Variants in FAM217B observed in about 807,000 individuals in gnomAD.
The protein encoded by FAM217B is protein FAM217B.
For missense variants in FAM217B, 463 were observed against 456.9 expected, an observed-to-expected ratio of 1.01 and a Z score of -0.12; for synonymous variants, 163 against 173.0, an observed-to-expected ratio of 0.94 and a Z score of 0.45.
At chr20:59,943,770 TTC>T (rs1380078539) in intron 3 of FAM217B, among the ~76,000 whole-genome samples, 168 bp from the exon 4 acceptor site, 1 of 152,196 alleles carries the variant, frequency 6.6e-6, no homozygotes, top group Non-Finnish European at 1.5e-5. Flanking sequence ...TGGGAAAATG[TTC>T]TGTAAAATTA....
Position 59,944,810 on chromosome 20 carries a change from G to A in FAM217B, c.867G>A (p.Arg289=), listed in dbSNP as rs1310804383. 9 of 1,614,050 alleles carry A rather than the reference G, an allele frequency of 5.6e-6. No individual in the cohort carries two copies. The highest frequency in any genetic ancestry group is 6.8e-6 in the Non-Finnish European group (8 of 1,180,044). The change falls in exon 4 of 4, where the codon AGG becomes AGA. Residue 289 remains arginine (R), a synonymous_variant. Coordinates refer to ENST00000360816, the MANE Select transcript of FAM217B (RefSeq NM_022106.3). ...CTCAGAGGCAAACCCTTGAAATGAG[G>A]ACAGAAGAAAAGAAAAAGAAATCAA... is the stretch of plus-strand genomic sequence containing the variant. ...FCSQRQTLEM[R]TEEKKKKSSK...
In FAM217B at chr20:59,947,907, G is replaced by C. The variant is rs2060946358; in HGVS notation, c.*2812G>C. ...ATCATGAACTCATTCAATTCATCAA[G>C]TCAAAAGCACTGAGTGTTTTGCTAG... On this transcript the variant is annotated 3_prime_UTR_variant, in exon 4 of 4. Coordinates refer to ENST00000360816, the MANE Select transcript of FAM217B (RefSeq NM_022106.3). 6.0e-6 allele frequency: 1 copy of C among 166,756 alleles called. No homozygotes were observed. The highest frequency in any genetic ancestry group is 1.5e-5 in the Non-Finnish European group (1 of 68,078). The allele number at this position is 166,756 out of a possible 1,614,324, so 10.3% of individuals were successfully genotyped here.
In FAM217B at chr20:59,944,118, A is replaced by G; in HGVS notation, c.175A>G (p.Lys59Glu). The part of the protein sequence containing the change: ...KESISPEARR[K>E]RNPLGSRCQG... ...AAGCATTTCCCCGGAAGCAAGACGC[A>G]AAAGGAATCCACTCGGTTCCAGGTG... Residue 59 changes from lysine to glutamate, a missense_variant, in exon 4 of 4, where the codon AAA becomes GAA. Transcript: ENST00000360816. 1.2e-6 allele frequency: 2 copies of G among 1,614,146 alleles called. No individual in the cohort carries two copies. Among genetic ancestry groups the G allele is most frequent in the East Asian group, 2.2e-5 (1 of 44,886 alleles).
upstream of FAM217B, chr20:59,939,171 T>C: frequency 1.2e-6 from 2 of 1,610,044 alleles, no homozygotes; most frequent in South Asian, 1.1e-5. Flanking sequence ...CACCGCGAAG[T>C]GCACGCGGGA....
chr20:59,934,219 C>G (rs2060837952), intron 1 of FAM217B, among the ~76,000 whole-genome samples: 1 of 152,172 alleles, frequency 6.6e-6, no homozygotes, highest in African/African-American at 2.4e-5. Flanking sequence ...TGCCGGAGGG[C>G]GGGAGAGACC....
chr20:59,935,584 A>ATAGC (rs2060857542), upstream of FAM217B, among the ~76,000 whole-genome samples: 1 of 152,184 alleles, frequency 6.6e-6, no homozygotes, highest in Non-Finnish European at 1.5e-5. Flanking sequence ...CCTGGGCAAC[A>ATAGC]TAGCTAGGCC....
Position 59,945,229 on chromosome 20 carries a change from C to T in FAM217B, c.*134C>T. 1 of 755,052 alleles carries T rather than the reference C, an allele frequency of 1.3e-6. No homozygotes were observed. Among genetic ancestry groups the T allele is most frequent in the South Asian group, 2.1e-5 (1 of 47,734 alleles). The allele number at this position is 755,052 out of a possible 1,614,324, so 46.8% of individuals were successfully genotyped here. ...AGTAGTTGACTGGCATTTTTGTCCA[C>T]CTTTATTTCTACCCTGAGTGGGGTT... On this transcript the variant is annotated 3_prime_UTR_variant, in exon 4 of 4. Transcript: ENST00000360816.
At chr20:59,933,825 T>C (rs1427536807) in exon 1 of FAM217B, 1 of 134,076 alleles carries the variant, frequency 7.5e-6, no homozygotes, top group Admixed American at 8.5e-5. Flanking sequence ...AGGGGGACGC[T>C]GTGGGCGCGG....
At chr20:59,937,698 C>A (rs1434359034), upstream of FAM217B, 1 of 151,856 alleles carries the variant, frequency 6.6e-6, no homozygotes, top group Non-Finnish European at 1.5e-5. Flanking sequence ...TTAATTCTAG[C>A]ACCTGTTGTC....
chr20:59,942,571 A>G (rs915566339), intron 3 of FAM217B, 59 bp downstream of exon 3: 2 of 152,216 alleles, frequency 1.3e-5, no homozygotes, highest in Non-Finnish European at 2.9e-5. Context: ...TCTGTTGTCC[A>G]GATTGAATAT....
chr20:59,944,147 G>C lies in FAM217B; in HGVS notation c.204G>C (p.Gln68His). 2 of 1,614,088 alleles carry C rather than the reference G, an allele frequency of 1.2e-6. No homozygotes were observed. Among genetic ancestry groups the C allele is most frequent in the Non-Finnish European group, 8.5e-7 (1 of 1,179,992 alleles). The part of the protein sequence containing the change: ...RKRNPLGSRC[Q>H]GASGNKLFLD... ...GGAATCCACTCGGTTCCAGGTGTCAGGGGGCCTCAGGGAATAAACTGTTTC... is the reference window on the plus strand; with the variant it reads ...GGAATCCACTCGGTTCCAGGTGTCACGGGGCCTCAGGGAATAAACTGTTTC... The change falls in exon 4 of 4, where the codon CAG becomes CAC. Residue 68 changes from glutamine (Q) to histidine (H), a missense_variant. Coordinates refer to ENST00000360816, the MANE Select transcript of FAM217B (RefSeq NM_022106.3).
upstream of FAM217B, chr20:59,938,939 A>G: frequency 7.8e-7 from 1 of 1,276,550 alleles, no homozygotes; most frequent in Non-Finnish European, 1.0e-6. Context: ...GAGGGTGGTG[A>G]AGAACAACCA....
chr20:59,943,775 T>G (rs1024428739), intron 3 of FAM217B, among the ~76,000 whole-genome samples, 165 bp from the exon 4 acceptor site: 2 of 152,250 alleles, frequency 1.3e-5, no homozygotes, highest in Non-Finnish European at 2.9e-5. Context: ...AAATGTTCTG[T>G]AAAATTACTT....
upstream of FAM217B, chr20:59,940,119 G>T (rs1018588819): frequency 2.1e-5 from 9 of 427,806 alleles, no homozygotes; most frequent in African/African-American, 1.8e-4. Context: ...CAGGTCCTCC[G>T]CTTCTTGCGG....
Position 59,945,368 on chromosome 20 carries a change from A to C in FAM217B, c.*273A>C. ...AATATGTGCCATATAAAGGAATAAA[A>C]TGGCACCTCTCCAGGGAAAGTGTCA... On this transcript the variant is annotated 3_prime_UTR_variant, in exon 4 of 4. Coordinates refer to ENST00000360816, the MANE Select transcript of FAM217B (RefSeq NM_022106.3). 2 of 304,056 alleles carry C rather than the reference A, an allele frequency of 6.6e-6. No individual in the cohort carries two copies. Among genetic ancestry groups the C allele is most frequent in the Non-Finnish European group, 1.3e-5 (2 of 153,158 alleles). 18.8% of individuals were successfully genotyped at this position (304,056 alleles called of 1,614,324 possible).
chr20:59,942,695 G>A (rs1247058194), intron 3 of FAM217B, among the ~76,000 whole-genome samples, 183 bp downstream of exon 3: 1 of 151,980 alleles, frequency 6.6e-6, no homozygotes, highest in East Asian at 1.9e-4. Flanking sequence ...GGATTCCAAC[G>A]GTCATAATTC....
chr20:59,944,841 A>G lies in FAM217B; in HGVS notation c.898A>G (p.Ser300Gly). Residue 300 changes from serine (S) to glycine (G), a missense_variant, in exon 4 of 4, where the codon AGT becomes GGT. Ser to Gly is a moderately conservative substitution (Grantham distance 56). Coordinates refer to ENST00000360816, the MANE Select transcript of FAM217B (RefSeq NM_022106.3). Reference protein sequence around the residue: ...TEEKKKKSSKSTKLQRWDLSG... With the variant: ...TEEKKKKSSKGTKLQRWDLSG... ...AGAAAAGAAAAAGAAATCAAGTAAG[A>G]GTACGAAGCTGCAGCGCTGGGATCT... The G allele has an allele frequency of 3.1e-6, 5 of 1,614,194 alleles. No homozygotes were observed. The highest frequency in any genetic ancestry group is 4.2e-6 in the Non-Finnish European group (5 of 1,180,036).
chr20:59,939,140 G>A (rs146169621), upstream of FAM217B: 764 of 1,607,486 alleles, frequency 4.8e-4, 8 homozygotes, highest in Middle Eastern at 6.6e-4. Context: ...CCCAGTACTC[G>A]GCACCCGCCA....
chr20:59,938,812 G>A (rs200448280), upstream of FAM217B: 21 of 378,662 alleles, frequency 5.5e-5, no homozygotes, highest in East Asian at 8.8e-4. Context: ...TACACAACTC[G>A]GCCTTCTGGC....
Sources: allele counts gnomAD v4.1 joint callset (sites outside exome capture counted in the v4.1 genomes callset), GRCh38; gene constraint gnomAD v4.1.1; transcripts MANE v1.5; gene names NCBI Gene and HGNC (gene_info 2026-07-23, HGNC 2026-07-21).